TNRC6C: variants seen among roughly 807,000 people sequenced by gnomAD.
TNRC6C encodes the protein trinucleotide repeat containing adaptor 6C.
Under a neutral mutation model 153.7 loss-of-function variants are expected in TNRC6C, and 20 were observed. The observed-to-expected ratio is 0.13, with a 90% confidence interval of 0.09 to 0.19. The LOEUF is 0.19. Among genes scored for constraint, TNRC6C ranks in the 10% least tolerant of loss-of-function variants. The pLI is 1.00. For synonymous variants in TNRC6C, 811 were observed against 841.4 expected (o/e 0.96, Z 0.63); for missense variants, 1,987 against 2,172.0 (o/e 0.91, Z 1.69).
At position 78,019,215 on chromosome 17, in the gene TNRC6C, A is replaced by G. The variant is rs143461807; in HGVS notation, c.-545-12301A>G. ...AATGGGGTTGCAGCCAGGACTTGAAAAGGCTCAGACCCTAGCAAGGGTAGA... is the reference window on the plus strand; with the variant it reads ...AATGGGGTTGCAGCCAGGACTTGAAGAGGCTCAGACCCTAGCAAGGGTAGA... On this transcript the variant is annotated intron_variant, in intron 1 of 19. Coordinates refer to ENST00000301624, the Ensembl canonical transcript of TNRC6C. Among the ~76,000 whole-genome samples the G allele has an allele frequency of 5.3e-3, 815 of 152,344 alleles. 5 individuals are homozygous for G. Among genetic ancestry groups the G allele is most frequent in the Non-Finnish European group, 8.0e-3 (546 of 68,026 alleles).
upstream of TNRC6C, among the ~76,000 whole-genome samples, chr17:77,958,544 G>A (rs1485036260): frequency 2.6e-5 from 4 of 152,106 alleles, no homozygotes; most frequent in African/African-American, 9.7e-5. Flanking sequence ...AGGAGCTCAG[G>A]TGCAGAGTGC....
intron 2 of TNRC6C, among the ~76,000 whole-genome samples, chr17:78,037,789 G>T (rs1439998879): frequency 1.3e-5 from 2 of 152,236 alleles, no homozygotes; most frequent in Non-Finnish European, 2.9e-5. Flanking sequence ...CTTCCTCCAA[G>T]TTGCTTTTGG....
chr17:78,060,851 A>T (rs2072754496), intron 3 of TNRC6C, among the ~76,000 whole-genome samples: 1 of 152,220 alleles, frequency 6.6e-6, no homozygotes, highest in Non-Finnish European at 1.5e-5. Flanking sequence ...TCATAGAGGA[A>T]AGAATTTCAT....
chr17:78,048,170 T>C (rs1484072707), intron 2 of TNRC6C, among the ~76,000 whole-genome samples: 1 of 152,048 alleles, frequency 6.6e-6, no homozygotes, highest in Admixed American at 6.6e-5. Context: ...TTTTTTATTA[T>C]GAATGTGCAG....
At position 78,076,088 on chromosome 17, in the gene TNRC6C, C is replaced by T. The variant is rs116634351; in HGVS notation, c.3060+810C>T. 6.2e-3 allele frequency among the ~76,000 whole-genome samples: 949 copies of T among 151,856 alleles called. 12 individuals carry two copies. The highest frequency in any genetic ancestry group is 0.022 in the African/African-American group (902 of 41,390). On this transcript the variant is annotated intron_variant, in intron 8 of 19. Coordinates refer to ENST00000301624, the Ensembl canonical transcript of TNRC6C. Reference sequence around the variant, plus strand: ...AAGAATTAGCGAGCATGGTGGCACACGCCTGTGAACCCAGCTACTCGGGAG... The same window carrying T: ...AAGAATTAGCGAGCATGGTGGCACATGCCTGTGAACCCAGCTACTCGGGAG...
At chr17:78,077,117 G>C (rs1344959103) in intron 8 of TNRC6C, 68 bp from the exon 11 acceptor site, 2 of 1,513,036 alleles carry the variant, frequency 1.3e-6, no homozygotes, top group Non-Finnish European at 1.8e-6. Flanking sequence ...TGTTTCCTTG[G>C]GAAACTGTTT....
chr17:78,006,530 T>TCTC (rs1567910845), intron 1 of TNRC6C, among the ~76,000 whole-genome samples: 15 of 142,392 alleles, frequency 1.1e-4, no homozygotes, highest in African/African-American at 3.6e-4. Flanking sequence ...TTCTTCTTCT[T>TCTC]CTTCTTCTTC....
At chr17:78,093,049 G>A (rs779225394) in exon 15 of TNRC6C, 1 of 1,613,784 alleles carries the variant, frequency 6.2e-7, no homozygotes, top group Non-Finnish European at 8.5e-7. Flanking sequence ...TCCCGTAGCT[G>A]TTCCCCATAG....
chr17:78,083,866 C>T (rs149064283), intron 11 of TNRC6C, among the ~76,000 whole-genome samples: 21 of 152,216 alleles, frequency 1.4e-4, no homozygotes, highest in African/African-American at 4.8e-4. Flanking sequence ...ATTGCCATGT[C>T]ATTGTATACC....
At chr17:78,027,736 C>T (rs2071970424) in intron 1 of TNRC6C, among the ~76,000 whole-genome samples, 1 of 152,142 alleles carries the variant, frequency 6.6e-6, no homozygotes, top group Admixed American at 6.5e-5. Flanking sequence ...GCTGCCTGTG[C>T]ACTGACATGG....
At chr17:77,999,594 T>C (rs1038999516), upstream of TNRC6C, among the ~76,000 whole-genome samples, 1 of 152,212 alleles carries the variant, frequency 6.6e-6, no homozygotes, top group Non-Finnish European at 1.5e-5. Flanking sequence ...TTTGCTATGC[T>C]GCGTAACAAA....
intron 2 of TNRC6C, among the ~76,000 whole-genome samples, chr17:78,039,116 G>A (rs2072240148): frequency 6.6e-6 from 1 of 152,212 alleles, no homozygotes; most frequent in Non-Finnish European, 1.5e-5. Context: ...GTTGGAACGT[G>A]TCGAGAGGCA....
intron 1 of TNRC6C, among the ~76,000 whole-genome samples, chr17:77,982,282 C>T (rs1180401385): frequency 6.6e-6 from 1 of 151,858 alleles, no homozygotes; most frequent in Non-Finnish European, 1.5e-5. Flanking sequence ...GCTAAGGCAT[C>T]TATTATATAT....
At chr17:78,087,119 C>T in intron 13 of TNRC6C, 26 bp downstream of exon 15, 1 of 1,609,228 alleles carries the variant, frequency 6.2e-7, no homozygotes. Context: ...TCTTCAACAG[C>T]CACATCAGGT....
upstream of TNRC6C, among the ~76,000 whole-genome samples, chr17:78,000,860 T>G (rs9907113): frequency 6.6e-6 from 1 of 152,134 alleles, no homozygotes; most frequent in African/African-American, 2.4e-5. Context: ...GACTGGTAAT[T>G]TGTAACATTT....
intron 13 of TNRC6C, among the ~76,000 whole-genome samples, chr17:78,090,648 C>G (rs2073376993): frequency 6.6e-6 from 1 of 152,212 alleles, no homozygotes; most frequent in Non-Finnish European, 1.5e-5. Flanking sequence ...CATCATCTTT[C>G]TTTATTAACC....
chr17:78,024,825 T>G (rs2071905806), intron 1 of TNRC6C, among the ~76,000 whole-genome samples: 2 of 151,190 alleles, frequency 1.3e-5, no homozygotes, highest in Non-Finnish European at 1.5e-5. Context: ...GACAGAGTCT[T>G]GCTCTGTTGC....
At chr17:78,047,819 T>G (rs1023536908) in intron 2 of TNRC6C, among the ~76,000 whole-genome samples, 1 of 152,350 alleles carries the variant, frequency 6.6e-6, no homozygotes, top group African/African-American at 2.4e-5. Context: ...TTTCTTTTAC[T>G]TTATTTTTTA....
intron 2 of TNRC6C, among the ~76,000 whole-genome samples, chr17:78,040,275 T>A (rs1270641927): frequency 1.3e-5 from 2 of 152,266 alleles, no homozygotes; most frequent in East Asian, 1.9e-4. Context: ...GTGCAGATTA[T>A]GTTTTGCAAG....
Sources: allele counts gnomAD v4.1 joint callset (sites outside exome capture counted in the v4.1 genomes callset), GRCh38; gene constraint gnomAD v4.1.1; transcripts MANE v1.5; gene names NCBI Gene and HGNC (gene_info 2026-07-23, HGNC 2026-07-21).